SAMD8: variants seen among roughly 807,000 people sequenced by gnomAD.
SAMD8 encodes the protein sterile alpha motif domain containing 8.
In SAMD8, 20 loss-of-function variants were observed where a neutral mutation model predicts 42.0. That is an observed-to-expected ratio of 0.48 (90% CI 0.34 to 0.69). The LOEUF (loss-of-function observed/expected upper bound fraction) is 0.69, where lower values mean the gene tolerates loss of function less well. Among genes scored for constraint, SAMD8 ranks in the 30% least tolerant of loss-of-function variants. SAMD8 has a pLI of 0.01. For synonymous variants in SAMD8, 162 were observed against 173.0 expected (o/e 0.94, Z 0.50); for missense variants, 328 against 511.6 (o/e 0.64, Z 3.46).
At chr10:75,108,042 T>C (rs1222788848), upstream of SAMD8, 2 of 1,613,676 alleles carry the variant, frequency 1.2e-6, no homozygotes, top group South Asian at 1.1e-5. Flanking sequence ...AGAGGAGAAG[T>C]AGGCACTGAT....
intron 1 of SAMD8, among the ~76,000 whole-genome samples, chr10:75,104,949 C>A (rs1848403746): frequency 6.6e-6 from 1 of 152,132 alleles, no homozygotes. Context: ...GAAAAAGCTA[C>A]TGCTGTTCCA....
At chr10:75,124,920 C>T (rs565671081) in intron 1 of SAMD8, among the ~76,000 whole-genome samples, 2 of 151,896 alleles carry the variant, frequency 1.3e-5, no homozygotes, top group South Asian at 4.2e-4. Flanking sequence ...CATGCCAGCA[C>T]AGCCAGCTAA....
intron 2 of SAMD8, among the ~76,000 whole-genome samples, chr10:75,153,440 G>A (rs1393919729): frequency 5.3e-5 from 8 of 151,826 alleles, no homozygotes; most frequent in East Asian, 4.0e-4. Flanking sequence ...GTGAAACCCC[G>A]TCTCTACTAA....
chr10:75,126,609 T>C (rs898483466), intron 1 of SAMD8, among the ~76,000 whole-genome samples: 7 of 151,274 alleles, frequency 4.6e-5, no homozygotes, highest in Admixed American at 6.6e-5. Flanking sequence ...TCAAGTGGTC[T>C]TCCCACCTTG....
At chr10:75,101,506 T>A (rs1848157037) in intron 1 of SAMD8, among the ~76,000 whole-genome samples, 1 of 152,194 alleles carries the variant, frequency 6.6e-6, no homozygotes, top group South Asian at 2.1e-4. Context: ...TTAGCACTCA[T>A]CAAGGATGTA....
chr10:75,118,898 A>T (rs954503174), intron 1 of SAMD8, among the ~76,000 whole-genome samples: 5 of 152,172 alleles, frequency 3.3e-5, no homozygotes, highest in Admixed American at 2.6e-4. Flanking sequence ...GTTCTGGTTT[A>T]TGGATCTGCA....
rs376892481 is a variant in SAMD8 at position 75,152,642 on chromosome 10, C to T, written c.578+1536C>T. Among the ~76,000 whole-genome samples, 5 of 152,052 alleles carry T rather than the reference C, an allele frequency of 3.3e-5. No individual in the cohort carries two copies. The South Asian group carries it at 8.3e-4, about 25-fold the overall frequency. On this transcript the variant is annotated intron_variant, in intron 2 of 5. Coordinates refer to ENST00000542569, the MANE Select transcript of SAMD8 (RefSeq NM_001174156.2). ...CCCAGGTGGGAGGATTGCTTGAGTC[C>T]AGGAGTTCAAGACTAGCCTACAAGT...
At chr10:75,102,398 G>A (rs1340145842) in intron 1 of SAMD8, among the ~76,000 whole-genome samples, 2 of 151,794 alleles carry the variant, frequency 1.3e-5, no homozygotes, top group East Asian at 1.9e-4. Flanking sequence ...AGCCGAGATC[G>A]CGCCACTGCA....
intron 2 of SAMD8, among the ~76,000 whole-genome samples, chr10:75,151,498 C>T (rs943975183): frequency 1.3e-5 from 2 of 151,712 alleles, no homozygotes; most frequent in African/African-American, 4.8e-5. Flanking sequence ...GGACTGTAGA[C>T]ATGTTCCACC....
intron 2 of SAMD8, among the ~76,000 whole-genome samples, chr10:75,156,833 C>G (rs7072895): frequency 1.0e-3 from 158 of 152,006 alleles, no homozygotes; most frequent in African/African-American, 3.7e-3. Flanking sequence ...GATCCTATAT[C>G]AAGAAAACAA....
chr10:75,156,976 C>A lies in SAMD8; in HGVS notation c.578+5870C>A, dbSNP rs184121372. Among the ~76,000 whole-genome samples the A allele has an allele frequency of 5.3e-5, 8 of 152,118 alleles. No individual in the cohort carries two copies. In the East Asian group the frequency reaches 1.5e-3, roughly 29 times the overall value. ...TATATTGGGTTATGAGGAGGATATC[C>A]TTGTTCCTAGAGAAACAAAGGGGAG... On this transcript the variant is annotated intron_variant, in intron 2 of 5. Transcript: ENST00000542569.
At chr10:75,132,657 C>A (rs11001301) in intron 1 of SAMD8, among the ~76,000 whole-genome samples, 1 of 151,666 alleles carries the variant, frequency 6.6e-6, no homozygotes, top group African/African-American at 2.4e-5. Flanking sequence ...AAAATCTTTC[C>A]TGTATACTCT....
upstream of SAMD8, among the ~76,000 whole-genome samples, chr10:75,111,049 C>G (rs1363724706): frequency 6.6e-6 from 1 of 152,164 alleles, no homozygotes; most frequent in South Asian, 2.1e-4. Flanking sequence ...CTCCTGACCT[C>G]AGGTGATCCC....
intron 4 of SAMD8, among the ~76,000 whole-genome samples, chr10:75,172,747 C>T (rs1321492301): frequency 2.0e-5 from 3 of 152,030 alleles, no homozygotes; most frequent in Admixed American, 6.6e-5. Flanking sequence ...CCACCTGCCT[C>T]GACCTCCGAA....
At chr10:75,139,394 C>G (rs1350509408) in intron 1 of SAMD8, among the ~76,000 whole-genome samples, 1 of 151,980 alleles carries the variant, frequency 6.6e-6, no homozygotes. Context: ...AGAAATTTAA[C>G]CTAAAGCAAT....
intron 3 of SAMD8, among the ~76,000 whole-genome samples, chr10:75,165,670 C>CA (rs1307825539): frequency 0.033 from 2,159 of 65,326 alleles, 50 homozygotes; most frequent in African/African-American, 0.1. Flanking sequence ...GACTCTGTCT[C>CA]AAAAAAAAAA....
chr10:75,168,424 C>G, intron 3 of SAMD8, 117 bp from the exon 4 acceptor site: 1 of 1,512,114 alleles, frequency 6.6e-7, no homozygotes, highest in Non-Finnish European at 8.8e-7. Flanking sequence ...TTTCTGTCCT[C>G]TTCAAAGAGT....
rs1410017605 is a variant in SAMD8 at position 75,178,206 on chromosome 10, C to T, written c.*1514C>T. On this transcript the variant is annotated 3_prime_UTR_variant, in exon 6 of 6. Coordinates refer to ENST00000542569, the MANE Select transcript of SAMD8 (RefSeq NM_001174156.2). ...GAAAGGAAATTATGCAAACAAGTCT[C>T]AGCTAGTGCTGAATGACCCCAATTT... 6.6e-6 allele frequency: 1 copy of T among 152,208 alleles called. No homozygotes were observed. Among genetic ancestry groups the T allele is most frequent in the Non-Finnish European group, 1.5e-5 (1 of 68,040 alleles). 9.4% of individuals were successfully genotyped at this position (152,208 alleles called of 1,614,324 possible). A position where few individuals can be genotyped will look rare whatever the true frequency, so the allele number is the denominator to read the frequency against.
chr10:75,102,844 C>T (rs1440066852), intron 1 of SAMD8, among the ~76,000 whole-genome samples: 7 of 152,078 alleles, frequency 4.6e-5, no homozygotes, highest in East Asian at 1.9e-4. Flanking sequence ...CCCAGCTACT[C>T]GGGAGCCTGA....
Sources: gnomAD v4.1 joint callset for allele counts (sites outside exome capture counted in the v4.1 genomes callset) on GRCh38, gnomAD v4.1.1 for gene constraint, MANE v1.5 for transcripts, NCBI Gene and HGNC (gene_info 2026-07-23, HGNC 2026-07-21) for gene names.